Variants in KCNIP2 observed in about 807,000 individuals in gnomAD.
KCNIP2 encodes A-type potassium channel modulatory protein KCNIP2.
A neutral mutation model predicts 39.0 loss-of-function variants in KCNIP2; 19 were observed. That is an observed-to-expected ratio of 0.49 (90% CI 0.34 to 0.71). KCNIP2 has a LOEUF of 0.71. KCNIP2 is among the 30% of genes least tolerant of loss of function. KCNIP2 has a pLI of 0.01. For missense variants in KCNIP2, 261 were observed against 346.0 expected, an observed-to-expected ratio of 0.75 and a Z score of 1.95; for synonymous variants, 111 against 131.2, an observed-to-expected ratio of 0.85 and a Z score of 1.05.
chr10:101,830,949 C>T (rs2065970065), intron 2 of KCNIP2, 123 bp downstream of exon 2: 2 of 904,130 alleles, frequency 2.2e-6, no homozygotes, highest in South Asian at 1.4e-5. Flanking sequence ...GCACGCCCCC[C>T]CACACATGCA....
intron 2 of KCNIP2, 78 bp downstream of exon 2, chr10:101,830,994 C>T: frequency 7.9e-7 from 1 of 1,269,312 alleles, no homozygotes; most frequent in Admixed American, 1.9e-5. Flanking sequence ...AGGCCTGGGG[C>T]ACACGCGCAC....
At chr10:101,830,463 T>C in intron 2 of KCNIP2, 1 of 1,284,528 alleles carries the variant, frequency 7.8e-7, no homozygotes, top group Non-Finnish European at 1.0e-6. Flanking sequence ...CCGCCTGGTC[T>C]ACACAGGCCG....
rs757485761 is a variant in KCNIP2 at position 101,827,774 on chromosome 10, G to A, written c.703-23C>T. Reference sequence around the variant, plus strand: ...CTTCTGCAAGAAGGTGGTCAGGCAGGGAGAACAGGAGGGATGGCAAGAGAG... The same window carrying A: ...CTTCTGCAAGAAGGTGGTCAGGCAGAGAGAACAGGAGGGATGGCAAGAGAG... On this transcript the variant is annotated intron_variant, in intron 8 of 9. Transcript: ENST00000356640. 5.1e-6 allele frequency: 8 copies of A among 1,579,926 alleles called. No individual in the cohort carries two copies. The Admixed American group carries it at 1.3e-4, about 26-fold the overall frequency.
chr10:101,836,275 T>C (rs1273747430), intron 1 of KCNIP2, among the ~76,000 whole-genome samples: 1 of 88,204 alleles, frequency 1.1e-5, no homozygotes, highest in Non-Finnish European at 2.8e-5. Context: ...TTTTTTTCTC[T>C]TTTTTTTTTT....
chr10:101,827,085 C>T lies in KCNIP2; in HGVS notation c.*268G>A. 1 of 626,760 alleles carries T rather than the reference C, an allele frequency of 1.6e-6. No individual in the cohort carries two copies. Among genetic ancestry groups the T allele is most frequent in the African/African-American group, 1.9e-5 (1 of 53,600 alleles). The allele number at this position is 626,760 out of a possible 1,614,324, so 38.8% of individuals were successfully genotyped here. On this transcript the variant is annotated 3_prime_UTR_variant, in exon 10 of 10. Transcript: ENST00000356640. ...GAGGTGGGGAACCGCTCAATTCCTA[C>T]AGGAGGGGCACTCTCAACACTGGGT...
chr10:101,836,392 C>T (rs2066163800), intron 1 of KCNIP2, among the ~76,000 whole-genome samples: 1 of 151,626 alleles, frequency 6.6e-6, no homozygotes, highest in South Asian at 2.1e-4. Context: ...AGGCGTGCAC[C>T]ACCACGCCCA....
chr10:101,829,919 C>T, intron 2 of KCNIP2, 22 bp from the exon 3 acceptor site: 2 of 1,542,714 alleles, frequency 1.3e-6, no homozygotes, highest in Non-Finnish European at 1.7e-6. Flanking sequence ...GAACTGTCAC[C>T]GAGAAAGCGG....
In KCNIP2 at chr10:101,829,352, A is replaced by C; in HGVS notation, c.224-153T>G. ...CCTGGGCCCCGAGCCAAGGACACTGAGGTAAGGAGAAAAGATGATGGCCAT... is the reference window on the plus strand; with the variant it reads ...CCTGGGCCCCGAGCCAAGGACACTGCGGTAAGGAGAAAAGATGATGGCCAT... On this transcript the variant is annotated intron_variant, in intron 3 of 9. Coordinates refer to ENST00000356640, the MANE Select transcript of KCNIP2 (RefSeq NM_173191.3). 3.1e-6 allele frequency: 3 copies of C among 976,304 alleles called. No individual in the cohort carries two copies. The South Asian group carries it at 5.4e-5, about 18-fold the overall frequency. 60.5% of individuals were successfully genotyped at this position (976,304 alleles called of 1,614,324 possible). A position where few individuals can be genotyped will look rare whatever the true frequency, so the allele number is the denominator to read the frequency against.
intron 1 of KCNIP2, among the ~76,000 whole-genome samples, chr10:101,833,779 T>C (rs570246825): frequency 6.6e-6 from 1 of 152,232 alleles, no homozygotes; most frequent in Non-Finnish European, 1.5e-5. Context: ...TCACACACTA[T>C]GCCCACACAC....
chr10:101,839,799 C>T (rs1332241247), intron 1 of KCNIP2: 1 of 1,611,316 alleles, frequency 6.2e-7, no homozygotes, highest in Non-Finnish European at 8.5e-7. Flanking sequence ...ATCGCGCTGC[C>T]TGCCCCAGCG....
chr10:101,834,112 C>T (rs1157059105), intron 1 of KCNIP2, among the ~76,000 whole-genome samples: 1 of 151,988 alleles, frequency 6.6e-6, no homozygotes, highest in African/African-American at 2.4e-5. Context: ...ATGTTGTATC[C>T]CCCAAGCACC....
rs1446908079 is a variant in KCNIP2, at chr10:101,839,987, T to G, written c.73+3509A>C. Reference sequence around the variant, plus strand: ...TCGAAACCCTGGAGCCTTCCCATGTTCTCCTGGCCGCACGAGAGGAGCTCA... The same window carrying G: ...TCGAAACCCTGGAGCCTTCCCATGTGCTCCTGGCCGCACGAGAGGAGCTCA... On this transcript the variant is annotated intron_variant, in intron 1 of 9. Transcript: ENST00000356640. 1.1e-5 allele frequency: 6 copies of G among 532,998 alleles called. No homozygotes were observed. The South Asian group carries it at 1.2e-4, about 10-fold the overall frequency. The allele number at this position is 532,998 out of a possible 1,614,324, so 33.0% of individuals were successfully genotyped here. A position where few individuals can be genotyped will look rare whatever the true frequency, so the allele number is the denominator to read the frequency against.
Position 101,827,237 on chromosome 10 carries a change from C to G in KCNIP2, c.*116G>C. 1 of 1,417,216 alleles carries G rather than the reference C, an allele frequency of 7.1e-7. No homozygotes were observed. The highest frequency in any genetic ancestry group is 9.2e-7 in the Non-Finnish European group (1 of 1,082,840). The allele number at this position is 1,417,216 out of a possible 1,614,324, so 87.8% of individuals were successfully genotyped here. A position where few individuals can be genotyped will look rare whatever the true frequency, so the allele number is the denominator to read the frequency against. The stretch of plus-strand genomic sequence containing the variant: ...TGAATCCCCAAGCTCTTGGATCCCT[C>G]CAGCCCCCAGGGAGGCGTAGGATGA... On this transcript the variant is annotated 3_prime_UTR_variant, in exon 10 of 10. Transcript: ENST00000356640.
chr10:101,828,654 TCTG>T lies in KCNIP2; in HGVS notation c.388_390del (p.Gln130del). ...CCTTGAGGAAAGAACTGGGAGTAAA[TCTG>T]CTTGAAGTTCTCCTCATTGACAATT... On this transcript the variant is annotated inframe_deletion, in exon 5 of 10. Transcript: ENST00000356640. This position sits in a 1 kb window ranked among gnomAD's most constrained non-coding sequence, Gnocchi z 6.6. 6.2e-7 allele frequency: 1 copy of T among 1,614,138 alleles called. No homozygotes were observed. The highest frequency in any genetic ancestry group is 8.5e-7 in the Non-Finnish European group (1 of 1,180,016).
At position 101,833,939 on chromosome 10, in the gene KCNIP2, T is replaced by A. The variant is rs1353991854; in HGVS notation, c.74-2772A>T. On this transcript the variant is annotated intron_variant, in intron 1 of 9. Coordinates refer to ENST00000356640, the MANE Select transcript of KCNIP2 (RefSeq NM_173191.3). ...CTCTACTCTAGACACTCCTTCCCTA[T>A]CTCCAGACCCCTCCTGGTATCGCCC... Among the ~76,000 whole-genome samples, 5 of 151,758 alleles carry A rather than the reference T, an allele frequency of 3.3e-5. No homozygotes were observed. In the East Asian group the frequency reaches 9.7e-4, roughly 29 times the overall value.
Position 101,838,254 on chromosome 10 carries a change from A to G in KCNIP2, c.73+5242T>C, listed in dbSNP as rs1183256073. On this transcript the variant is annotated intron_variant, in intron 1 of 9. Transcript: ENST00000356640. This position sits in a 1 kb window ranked among gnomAD's most constrained non-coding sequence, Gnocchi z 4.0. The stretch of plus-strand genomic sequence containing the variant: ...CAGAGTGGGAACTCAAGGGAAAACC[A>G]TCTCGAGGCATGAGGTGGGCCTTCC... Among the ~76,000 whole-genome samples, 2 of 152,184 alleles carry G rather than the reference A, an allele frequency of 1.3e-5. No individual in the cohort carries two copies. Among genetic ancestry groups the G allele is most frequent in the East Asian group, 3.8e-4 (2 of 5,202 alleles).
intron 2 of KCNIP2, chr10:101,830,554 G>GTTTT: frequency 1.1e-6 from 1 of 913,356 alleles, no homozygotes; most frequent in Non-Finnish European, 1.5e-6. Flanking sequence ...TTGCGGGAGC[G>GTTTT]GTGACACACA....
At position 101,828,078 on chromosome 10, in the gene KCNIP2, T is replaced by C; in HGVS notation, c.597+73A>G. On this transcript the variant is annotated intron_variant, in intron 7 of 9. Transcript: ENST00000356640. This position sits in a 1 kb window ranked among gnomAD's most constrained non-coding sequence, Gnocchi z 6.6. ...TGCTTGTGGGCATATGTGGGTCATA[T>C]TTCCCTCCCATCACCCTCTGCACGC... The C allele has an allele frequency of 1.9e-6, 3 of 1,546,934 alleles. No homozygotes were observed. The highest frequency in any genetic ancestry group is 2.7e-6 in the Non-Finnish European group (3 of 1,119,092).
intron 3 of KCNIP2, 167 bp downstream of exon 3, chr10:101,829,666 TCCCAGCCATGC>T (rs1336805858): frequency 1.2e-5 from 2 of 171,386 alleles, no homozygotes; most frequent in African/African-American, 3.8e-5. Context: ...GCCCCATCTA[TCCCAGCCATGC>T]CTGAGCCATG....
Sources: gnomAD v4.1 joint callset for allele counts (sites outside exome capture counted in the v4.1 genomes callset) on GRCh38, gnomAD v4.1.1 for gene constraint, Gnocchi (gnomAD v3.1) non-coding constraint, MANE v1.5 for transcripts, NCBI Gene and HGNC (gene_info 2026-07-23, HGNC 2026-07-21) for gene names.